ZNF723: variants seen among roughly 807,000 people sequenced by gnomAD.
ZNF723 encodes zinc finger protein 723, pseudogene.
A neutral mutation model predicts 9.4 loss-of-function variants in ZNF723; 5 were observed. The ratio of observed to expected loss-of-function variants is 0.53; its 90% confidence interval spans 0.28 to 1.12. ZNF723 has a LOEUF of 1.12. Among genes scored for constraint, ZNF723 ranks in the 50% most tolerant of loss-of-function variants. ZNF723 has a pLI of 0.10. For missense variants in ZNF723, 450 were observed against 501.5 expected, an observed-to-expected ratio of 0.90 and a Z score of 0.98; for synonymous variants, 158 against 168.8, an observed-to-expected ratio of 0.94 and a Z score of 0.49.
intron 3 of ZNF723, among the ~76,000 whole-genome samples, chr19:22,850,743 AT>A (rs1415541649): frequency 2.0e-5 from 3 of 152,134 alleles, no homozygotes; most frequent in South Asian, 2.1e-4. Flanking sequence ...AGAGTTTATT[AT>A]TTTTTTAGAT....
At chr19:22,837,021 G>A (rs1403334323) in intron 1 of ZNF723, among the ~76,000 whole-genome samples, 3 of 152,046 alleles carry the variant, frequency 2.0e-5, no homozygotes, top group Admixed American at 1.3e-4. Context: ...GGGATGGCAC[G>A]ATTACTCATG....
upstream of ZNF723, among the ~76,000 whole-genome samples, chr19:22,828,688 C>T (rs540590413): frequency 1.4e-4 from 22 of 151,926 alleles, no homozygotes; most frequent in African/African-American, 3.6e-4. Context: ...TGGAGGCCAT[C>T]GTTCTAAACT....
At chr19:22,834,575 T>C (rs1967142498) in intron 1 of ZNF723, among the ~76,000 whole-genome samples, 1 of 152,172 alleles carries the variant, frequency 6.6e-6, no homozygotes, top group South Asian at 2.1e-4. Context: ...TATCCGCTCC[T>C]GGGTCGTTTT....
the ZNF723 span, among the ~76,000 whole-genome samples, chr19:22,817,680 T>C: frequency 6.6e-6 from 1 of 152,198 alleles, no homozygotes; most frequent in Non-Finnish European, 1.5e-5. Context: ...TTGTGACATG[T>C]ATCTTTGCCC....
the ZNF723 span, among the ~76,000 whole-genome samples, chr19:22,817,411 G>A: frequency 6.6e-6 from 1 of 152,022 alleles, no homozygotes; most frequent in Non-Finnish European, 1.5e-5. Flanking sequence ...AATTCATTAT[G>A]TATGAGATGT....
At chr19:22,845,934 T>G (rs1178457364) in intron 1 of ZNF723, among the ~76,000 whole-genome samples, 8 of 143,088 alleles carry the variant, frequency 5.6e-5, no homozygotes, top group Non-Finnish European at 1.5e-5. Flanking sequence ...GATCAAGAAC[T>G]GCGTCCACTC....
chr19:22,855,614 A>T (rs182175878), intron 3 of ZNF723, among the ~76,000 whole-genome samples: 2 of 152,296 alleles, frequency 1.3e-5, no homozygotes, highest in African/African-American at 2.4e-5. Flanking sequence ...GTGCCAATAT[A>T]CTTTTTCAGA....
the ZNF723 span, among the ~76,000 whole-genome samples, chr19:22,819,180 A>G: frequency 6.6e-6 from 1 of 152,264 alleles, no homozygotes; most frequent in Non-Finnish European, 1.5e-5. Context: ...TGAGTCCAGC[A>G]CCAAGGTGAT....
intron 1 of ZNF723, among the ~76,000 whole-genome samples, chr19:22,837,476 G>T (rs1235695145): frequency 5.8e-4 from 88 of 152,142 alleles, no homozygotes; most frequent in Non-Finnish European, 4.4e-5. Context: ...TTGAAGAATT[G>T]TTTGGTGTTA....
At chr19:22,851,635 G>A (rs1967397035) in intron 3 of ZNF723, among the ~76,000 whole-genome samples, 1 of 152,050 alleles carries the variant, frequency 6.6e-6, no homozygotes, top group Non-Finnish European at 1.5e-5. Context: ...TAATGCTATC[G>A]GATTACAGGC....
In ZNF723 at chr19:22,858,102, A is replaced by C. The variant is rs1275086641; in HGVS notation, c.1211A>C (p.Lys404Thr). The change falls in exon 4 of 4, where the codon AAA (lysine) becomes ACA (threonine). Residue 404 changes from lysine to threonine, a missense_variant. By Grantham distance (78) the Lys-to-Thr change is moderately conservative. Transcript: ENST00000600766. Reference sequence around the variant, plus strand: ...CCCTACAAATGTGAAGAATGTGGCAAAGCCTTTAACCAATCCTCAGCCCTT... The same window carrying C: ...CCCTACAAATGTGAAGAATGTGGCACAGCCTTTAACCAATCCTCAGCCCTT... ...EKPYKCEECG[K>T]AFNQSSALTT... 6.7e-7 allele frequency: 1 copy of C among 1,491,460 alleles called. No homozygotes were observed. The highest frequency in any genetic ancestry group is 9.4e-7 in the Non-Finnish European group (1 of 1,069,402). The allele number at this position is 1,491,460 out of a possible 1,614,324, so 92.4% of individuals were successfully genotyped here.
intron 1 of ZNF723, among the ~76,000 whole-genome samples, chr19:22,842,219 G>A (rs1599474697): frequency 6.6e-6 from 1 of 152,258 alleles, no homozygotes; most frequent in South Asian, 2.1e-4. Flanking sequence ...TGGCCAGGCT[G>A]GTGTTGAACT....
At chr19:22,854,715 A>G (rs570245536) in intron 3 of ZNF723, among the ~76,000 whole-genome samples, 19 of 152,260 alleles carry the variant, frequency 1.2e-4, no homozygotes, top group African/African-American at 4.6e-4. Flanking sequence ...ATGAGAATAT[A>G]TTTTAATCTA....
At chr19:22,847,426 T>C (rs894816668) in intron 1 of ZNF723, among the ~76,000 whole-genome samples, 11 of 152,154 alleles carry the variant, frequency 7.2e-5, no homozygotes, top group African/African-American at 2.7e-4. Context: ...TTCTTCCATA[T>C]ACTGGATGTT....
At chr19:22,839,982 AATTT>A (rs1268737650) in intron 1 of ZNF723, among the ~76,000 whole-genome samples, 2 of 149,378 alleles carry the variant, frequency 1.3e-5, no homozygotes, top group Non-Finnish European at 3.0e-5. Flanking sequence ...TTTCCTTGTA[AATTT>A]ATTTAAGTAT....
chr19:22,857,260 T>C lies in ZNF723; in HGVS notation c.369T>C (p.Cys123=). ...AAGGCTGTGAAAGTGTGGATGAGTG[T>C]AAGATGCACAAAGGAGGTTATGATG... ...LRKGCESVDE[C]KMHKGGYDEL... Residue 123 remains cysteine, a synonymous_variant, in exon 4 of 4, where the codon TGT becomes TGC. Coordinates refer to ENST00000600766, the MANE Select transcript of ZNF723 (RefSeq NM_001349726.2). 1.2e-6 allele frequency: 1 copy of C among 829,626 alleles called. No homozygotes were observed. 51.4% of individuals were successfully genotyped at this position (829,626 alleles called of 1,614,324 possible).
chr19:22,841,485 T>C (rs1967245200), intron 1 of ZNF723, among the ~76,000 whole-genome samples: 1 of 152,208 alleles, frequency 6.6e-6, no homozygotes, highest in Non-Finnish European at 1.5e-5. Flanking sequence ...TTTTGGAGTT[T>C]TTCTGGGGCT....
At chr19:22,844,792 G>C (rs938400434) in intron 1 of ZNF723, among the ~76,000 whole-genome samples, 1 of 152,152 alleles carries the variant, frequency 6.6e-6, no homozygotes. Context: ...TGAGCCCAGG[G>C]GGAGCATCAT....
chr19:22,841,100 G>A (rs1874637847), intron 1 of ZNF723, among the ~76,000 whole-genome samples: 1 of 152,174 alleles, frequency 6.6e-6, no homozygotes, highest in East Asian at 1.9e-4. Context: ...AGTGCTAAAG[G>A]AGTTAAAGAG....
Sources: gnomAD v4.1 joint callset for allele counts (sites outside exome capture counted in the v4.1 genomes callset) on GRCh38, gnomAD v4.1.1 for gene constraint, MANE v1.5 for transcripts, NCBI Gene and HGNC (gene_info 2026-07-23, HGNC 2026-07-21) for gene names.